Variants in BDNF observed in about 807,000 individuals in gnomAD.
The protein encoded by BDNF is neurotrophic factor BDNF precursor form.
Under a neutral mutation model 19.5 loss-of-function variants are expected in BDNF, and 1 was observed. The ratio of observed to expected loss-of-function variants is 0.05; its 90% CI spans 0.02 to 0.24. The LOEUF is 0.24. Among genes scored for constraint, BDNF ranks in the 10% least tolerant of loss-of-function variants. The pLI, the probability that BDNF is intolerant of heterozygous loss-of-function variation, is 1.00. For synonymous variants in BDNF, 100 were observed against 121.6 expected, an observed-to-expected ratio of 0.82 and a Z score of 1.17; for missense variants, 195 against 317.6, an observed-to-expected ratio of 0.61 and a Z score of 2.93.
intron 1 of BDNF, chr11:27,665,135 C>A (rs1053793886): frequency 1.3e-5 from 2 of 152,180 alleles, no homozygotes; most frequent in African/African-American, 4.8e-5. Flanking sequence ...TTACAATTCA[C>A]TGAAGTTTAG....
At position 27,657,249 on chromosome 11, in the gene BDNF, A is replaced by G. The variant is rs1852691095; in HGVS notation, c.*572T>C. The G allele has an allele frequency of 4.1e-6, 4 of 983,440 alleles. No individual in the cohort carries two copies. The highest frequency in any genetic ancestry group is 4.7e-5 in the South Asian group (1 of 21,256). The allele number at this position is 983,440 out of a possible 1,614,324, so 60.9% of individuals were successfully genotyped here. ...AACTAAAAAACAAAACAAACAAACG[A>G]AAAAAAAACACAAAACAAACAAAAA... On this transcript the variant is annotated 3_prime_UTR_variant, in exon 2 of 2. Transcript: ENST00000356660. The surrounding 1 kb of genome is among the most constrained non-coding windows in gnomAD (Gnocchi z 5.0).
chr11:27,674,027 G>T, intron 1 of BDNF: 1 of 1,512,538 alleles, frequency 6.6e-7, no homozygotes, highest in Non-Finnish European at 8.9e-7. Context: ...GATAAAATTA[G>T]CAAGAGAAGG....
intron 1 of BDNF, chr11:27,719,440 C>G (rs996685182): frequency 2.0e-6 from 2 of 985,958 alleles, no homozygotes; most frequent in Non-Finnish European, 2.4e-6. Context: ...TCTGGCTCTT[C>G]GGTCCGGAAA....
intron 1 of BDNF, among the ~76,000 whole-genome samples, chr11:27,666,358 A>G (rs563151303): frequency 1.1e-4 from 16 of 152,358 alleles, no homozygotes; most frequent in African/African-American, 3.4e-4. Flanking sequence ...AAATCAGAGC[A>G]CGTCTTCTCC....
intron 1 of BDNF, among the ~76,000 whole-genome samples, chr11:27,716,538 T>C (rs1860523122): frequency 6.6e-6 from 1 of 151,946 alleles, no homozygotes; most frequent in South Asian, 2.1e-4. Flanking sequence ...TAATTTGAGA[T>C]ACTTCTGAGG....
Position 27,658,235 on chromosome 11 carries a change from C to T in BDNF, c.330G>A (p.Leu110=). The T allele has an allele frequency of 6.2e-7, 1 of 1,613,914 alleles. No homozygotes were observed. The highest frequency in any genetic ancestry group is 8.5e-7 in the Non-Finnish European group (1 of 1,180,012). The change falls in exon 2 of 2, where the codon CTG becomes CTA. Residue 110 remains leucine (L), a synonymous_variant. Transcript: ENST00000356660. The surrounding 1 kb of genome is among the most constrained non-coding windows in gnomAD (Gnocchi z 5.7). The stretch of plus-strand genomic sequence containing the variant: ...CATCTAGGTAATTTTTGTATTCCTC[C>T]AGCAGAAAGAGAAGAGGAGGCTCCA... ...VPLEPPLLFL[L]EEYKNYLDAA...
At chr11:27,692,087 G>A (rs924865427) in intron 1 of BDNF, among the ~76,000 whole-genome samples, 4 of 152,040 alleles carry the variant, frequency 2.6e-5, no homozygotes, top group East Asian at 1.9e-4. Flanking sequence ...AAAATACAGC[G>A]CTTTGCAAAG....
At position 27,657,139 on chromosome 11, in the gene BDNF, A is replaced by AACATCTTCACAACATAC; in HGVS notation, c.*665_*681dup. 1.0e-6 allele frequency: 1 copy of AACATCTTCACAACATAC among 983,380 alleles called. No individual in the cohort carries two copies. Among genetic ancestry groups the AACATCTTCACAACATAC allele is most frequent in the South Asian group, 4.7e-5 (1 of 21,214 alleles). 60.9% of individuals were successfully genotyped at this position (983,380 alleles called of 1,614,324 possible). A position where few individuals can be genotyped will look rare whatever the true frequency, so the allele number is the denominator to read the frequency against. On this transcript the variant is annotated 3_prime_UTR_variant, in exon 2 of 2. Transcript: ENST00000356660. This position sits in a 1 kb window ranked among gnomAD's most constrained non-coding sequence, Gnocchi z 5.0. ...TTCTAGTCATCTGATCGATATTGCAAACATCTTCACAACATACAAATGTAT... is the reference window on the plus strand; with the variant it reads ...TTCTAGTCATCTGATCGATATTGCAAACATCTTCACAACATACACATCTTCACAACATACAAATGTAT...
At chr11:27,713,512 T>C (rs1860415864) in intron 1 of BDNF, among the ~76,000 whole-genome samples, 1 of 152,236 alleles carries the variant, frequency 6.6e-6, no homozygotes, top group Admixed American at 6.5e-5. Flanking sequence ...TGTGTATTTT[T>C]TCCCCACAGT....
chr11:27,657,664 T>C lies in BDNF; in HGVS notation c.*157A>G. On this transcript the variant is annotated 3_prime_UTR_variant, in exon 2 of 2. Transcript: ENST00000356660. The surrounding 1 kb of genome is among the most constrained non-coding windows in gnomAD (Gnocchi z 5.0). Reference sequence around the variant, plus strand: ...CCCTTCTGGTCATGGACATGTCCAATAAATAGATTGTAGAACCACTGTACT... The same window carrying C: ...CCCTTCTGGTCATGGACATGTCCAACAAATAGATTGTAGAACCACTGTACT... 1 of 1,443,336 alleles carries C rather than the reference T, an allele frequency of 6.9e-7. No homozygotes were observed. The highest frequency in any genetic ancestry group is 9.0e-7 in the Non-Finnish European group (1 of 1,106,320). 89.4% of individuals were successfully genotyped at this position (1,443,336 alleles called of 1,614,324 possible).
At chr11:27,704,138 G>A (rs904094136), upstream of BDNF, among the ~76,000 whole-genome samples, 4 of 152,102 alleles carry the variant, frequency 2.6e-5, no homozygotes, top group South Asian at 8.3e-4. Context: ...TATGTTAGGA[G>A]CAAAGTTTCC....
intron 1 of BDNF, among the ~76,000 whole-genome samples, chr11:27,667,953 A>G (rs542643617): frequency 6.6e-6 from 1 of 152,250 alleles, no homozygotes; most frequent in African/African-American, 2.4e-5. Flanking sequence ...CTCCAAATCA[A>G]CAGAATATAC....
Position 27,699,471 on chromosome 11 carries a change from C to T in BDNF, c.-22+693G>A. ...CCCAACCACTCCCCGAAAGTCAAAA[C>T]TCTTAACTTCCCTGGAGGGCGCTTC... On this transcript the variant is annotated intron_variant, in intron 1 of 1. Transcript: ENST00000356660. 6.2e-6 allele frequency: 10 copies of T among 1,614,152 alleles called. No homozygotes were observed. In the South Asian group the frequency reaches 1.1e-4, roughly 18 times the overall value.
intron 1 of BDNF, among the ~76,000 whole-genome samples, chr11:27,662,712 A>G (rs1205417577): frequency 2.6e-5 from 4 of 152,232 alleles, no homozygotes; most frequent in East Asian, 3.9e-4. Context: ...TCATGCTTCT[A>G]TGAGAATCTA....
At chr11:27,664,685 A>G (rs1854026273) in intron 1 of BDNF, among the ~76,000 whole-genome samples, 1 of 152,196 alleles carries the variant, frequency 6.6e-6, no homozygotes, top group African/African-American at 2.4e-5. Context: ...TGGGAGGCTG[A>G]GGTGGGAGGA....
intron 1 of BDNF, among the ~76,000 whole-genome samples, chr11:27,697,255 A>C (rs1379452698): frequency 6.6e-6 from 1 of 151,766 alleles, no homozygotes; most frequent in South Asian, 2.1e-4. Context: ...CTGCTATACT[A>C]TCAGGTGGGC....
exon 1 of BDNF, chr11:27,721,505 A>C: frequency 6.8e-7 from 1 of 1,461,848 alleles, no homozygotes; most frequent in Non-Finnish European, 9.6e-7. Flanking sequence ...TGAAGTCATC[A>C]TGTGAGAAGT....
chr11:27,710,356 A>G (rs1860275091), intron 1 of BDNF, among the ~76,000 whole-genome samples: 3 of 152,242 alleles, frequency 2.0e-5, no homozygotes, highest in African/African-American at 2.4e-5. Flanking sequence ...TGTATCAGGA[A>G]GATGCCCAAG....
chr11:27,674,583 T>C (rs1296937368), intron 1 of BDNF: 1 of 985,074 alleles, frequency 1.0e-6, no homozygotes, highest in Non-Finnish European at 1.2e-6. Flanking sequence ...TATTAACATC[T>C]TAGATGACAA....
Sources: allele counts gnomAD v4.1 joint callset (sites outside exome capture counted in the v4.1 genomes callset), GRCh38; gene constraint gnomAD v4.1.1; non-coding constraint Gnocchi (gnomAD v3.1); transcripts MANE v1.5; gene names NCBI Gene and HGNC (gene_info 2026-07-23, HGNC 2026-07-21).